The following TRHDE variants were observed in gnomAD, a reference collection of about 807,000 sequenced individuals.
The protein encoded by TRHDE is thyrotropin releasing hormone degrading enzyme.
TRHDE carries 72 observed loss-of-function variants against 125.7 expected under a neutral mutation model. The observed-to-expected ratio is 0.57, with a 90% CI of 0.47 to 0.70. TRHDE has a LOEUF of 0.70. Ranked by LOEUF, TRHDE falls within the 30% of genes least tolerant of loss-of-function variation. The pLI is 0.00. For synonymous variants in TRHDE, 509 were observed against 509.1 expected (o/e 1.00, Z 0.00); for missense variants, 1,110 against 1,327.1 (o/e 0.84, Z 2.54).
At chr12:72,434,172 G>A (rs964975981) in intron 3 of TRHDE, among the ~76,000 whole-genome samples, 8 of 152,018 alleles carry the variant, frequency 5.3e-5, no homozygotes, top group African/African-American at 1.9e-4. Flanking sequence ...ATCACTTAAA[G>A]TCAGGAGTTC....
chr12:72,150,515 A>G (rs1478171253), intron 2 of TRHDE, among the ~76,000 whole-genome samples: 2 of 150,384 alleles, frequency 1.3e-5, no homozygotes, highest in Non-Finnish European at 3.0e-5. Flanking sequence ...GTCATTTAAC[A>G]TTAGGTATAT....
Position 72,600,061 on chromosome 12 carries a change from G to A in TRHDE, c.2322-18830G>A, listed in dbSNP as rs190959160. Among the ~76,000 whole-genome samples, 26 of 152,078 alleles carry A rather than the reference G, an allele frequency of 1.7e-4. No homozygotes were observed. The South Asian group carries it at 4.6e-3, about 27-fold the overall frequency. ...AAAGATCAGATGGCTGTAGGTGTGC[G>A]ACTTTATTTCTGTGATCTCTATTCT... On this transcript the variant is annotated intron_variant, in intron 12 of 18. Coordinates refer to ENST00000261180, the MANE Select transcript of TRHDE (RefSeq NM_013381.3).
intron 2 of TRHDE, among the ~76,000 whole-genome samples, chr12:72,293,129 T>C (rs1880152064): frequency 6.6e-6 from 1 of 152,164 alleles, no homozygotes. Flanking sequence ...CATCTACCAA[T>C]GGTCTCTCTG....
intron 18 of TRHDE, among the ~76,000 whole-genome samples, chr12:72,661,946 A>G (rs1454443905): frequency 6.6e-6 from 1 of 152,192 alleles, no homozygotes; most frequent in Non-Finnish European, 1.5e-5. Flanking sequence ...AGGAAAGCAG[A>G]GTAAAAACTC....
intron 5 of TRHDE, among the ~76,000 whole-genome samples, chr12:72,488,887 A>G (rs547713589): frequency 1.1e-4 from 16 of 152,002 alleles, no homozygotes; most frequent in African/African-American, 3.9e-4. Context: ...ATTAAACAAC[A>G]TGCTTCTGAA....
intron 7 of TRHDE, among the ~76,000 whole-genome samples, chr12:72,548,957 G>A (rs978725624): frequency 2.6e-5 from 4 of 151,734 alleles, no homozygotes; most frequent in African/African-American, 9.7e-5. Flanking sequence ...AGCAGTGAGG[G>A]TAATTCACCA....
Position 72,519,460 on chromosome 12 carries a change from T to C in TRHDE, c.1722+19825T>C, listed in dbSNP as rs573559532. 1.2e-3 allele frequency among the ~76,000 whole-genome samples: 189 copies of C among 152,344 alleles called. 2 individuals carry two copies. The highest frequency in any genetic ancestry group is 4.4e-3 in the African/African-American group (183 of 41,584). ...TCGGCTCCTGAGGCTTCTGCATTCT[T>C]CACGTAGTTCTCGAGCCTTGGTTTT... On this transcript the variant is annotated intron_variant, in intron 6 of 18. Transcript: ENST00000261180.
rs553378896 is a variant in TRHDE, at chr12:72,465,597, CTTTA to C, written c.1316-4154_1316-4151del. Among the ~76,000 whole-genome samples, 20 of 152,188 alleles carry C rather than the reference CTTTA, an allele frequency of 1.3e-4. No individual in the cohort carries two copies. In the South Asian group the frequency reaches 2.7e-3, roughly 20 times the overall value. ...TATTTTGTTGCATGGATATACCATACTTTATTTATTCACCTATTGATGGACATTT... is the reference window on the plus strand; with the variant it reads ...TATTTTGTTGCATGGATATACCATACTTTATTCACCTATTGATGGACATTT... On this transcript the variant is annotated intron_variant, in intron 3 of 18. Coordinates refer to ENST00000261180, the MANE Select transcript of TRHDE (RefSeq NM_013381.3).
rs146993810 is a variant in TRHDE, at chr12:72,380,742, C to G, written c.1315+2621C>G. 5.5e-3 allele frequency among the ~76,000 whole-genome samples: 524 copies of G among 95,538 alleles called. 3 individuals are homozygous for G. The highest frequency in any genetic ancestry group is 0.014 in the East Asian group (48 of 3,350). 62.7% of individuals were successfully genotyped at this position (95,538 alleles called of 152,430 possible). A position where few individuals can be genotyped will look rare whatever the true frequency, so the allele number is the denominator to read the frequency against. On this transcript the variant is annotated intron_variant, in intron 3 of 18. Coordinates refer to ENST00000261180, the MANE Select transcript of TRHDE (RefSeq NM_013381.3). ...TCCTTCCTTCCTTCCTTGCTTCCTT[C>G]CTTCCTTCCTTCCTTCCTTCCTTGC...
chr12:72,248,016 T>C (rs1305070200), intron 2 of TRHDE, among the ~76,000 whole-genome samples: 1 of 152,162 alleles, frequency 6.6e-6, no homozygotes, highest in Non-Finnish European at 1.5e-5. Flanking sequence ...TATGTATGCA[T>C]GTATGTGTGT....
intron 7 of TRHDE, among the ~76,000 whole-genome samples, chr12:72,544,979 T>A (rs972806184): frequency 6.6e-6 from 1 of 151,398 alleles, no homozygotes; most frequent in Non-Finnish European, 1.5e-5. Flanking sequence ...CTGAGAAAAA[T>A]TTTGTTTCTA....
intron 15 of TRHDE, among the ~76,000 whole-genome samples, chr12:72,625,624 G>A (rs1388978866): frequency 2.0e-5 from 3 of 151,724 alleles, no homozygotes; most frequent in Non-Finnish European, 4.4e-5. Context: ...ACTATATTGA[G>A]CATTTACTAC....
intron 2 of TRHDE, among the ~76,000 whole-genome samples, chr12:72,248,194 C>A (rs1374336533): frequency 1.3e-5 from 2 of 152,026 alleles, no homozygotes; most frequent in East Asian, 3.9e-4. Context: ...CCAAGACGGG[C>A]AGATCACAAG....
At chr12:72,418,183 C>T (rs1198674845) in intron 3 of TRHDE, among the ~76,000 whole-genome samples, 1 of 151,990 alleles carries the variant, frequency 6.6e-6, no homozygotes, top group Non-Finnish European at 1.5e-5. Flanking sequence ...TTAATTCTCA[C>T]ATTTATTCAG....
intron 2 of TRHDE, chr12:72,263,656 A>G (rs1173769982): frequency 6.6e-6 from 1 of 152,220 alleles, no homozygotes; most frequent in African/African-American, 2.4e-5. Flanking sequence ...CATTGCTTTT[A>G]GACACAAAGC....
intron 12 of TRHDE, among the ~76,000 whole-genome samples, chr12:72,597,739 ATATATATATATATATATATG>A (rs1872026985): frequency 1.1e-4 from 1 of 8,728 alleles, no homozygotes; most frequent in Non-Finnish European, 2.6e-4. Flanking sequence ...ATATATATAT[ATATATATATATATATATATG>A]CATACACACA....
intron 6 of TRHDE, among the ~76,000 whole-genome samples, chr12:72,522,693 G>A (rs1045133353): frequency 1.3e-5 from 2 of 152,110 alleles, no homozygotes; most frequent in African/African-American, 4.8e-5. Context: ...GAAAAATACT[G>A]GAGAATAAAA....
At chr12:72,272,197 C>G, upstream of TRHDE, 1 of 446,102 alleles carries the variant, frequency 2.2e-6, no homozygotes, top group Non-Finnish European at 4.5e-6. The surrounding 1 kb of genome is among the most constrained non-coding windows in gnomAD (Gnocchi z 6.7). Context: ...GCCCTAACTT[C>G]CCTCTCTACA....
chr12:72,587,712 A>G (rs1318870565), intron 12 of TRHDE, among the ~76,000 whole-genome samples: 3 of 152,162 alleles, frequency 2.0e-5, no homozygotes, highest in Non-Finnish European at 4.4e-5. Flanking sequence ...ACTGAGAGAT[A>G]AGTATTTTAT....
Sources: allele counts gnomAD v4.1 joint callset (sites outside exome capture counted in the v4.1 genomes callset), GRCh38; gene constraint gnomAD v4.1.1; non-coding constraint Gnocchi (gnomAD v3.1); transcripts MANE v1.5; gene names NCBI Gene and HGNC (gene_info 2026-07-23, HGNC 2026-07-21).